TSGA10: variants seen among roughly 807,000 people sequenced by gnomAD.
TSGA10 encodes the protein testis specific 10.
Under a neutral mutation model 96.6 loss-of-function variants are expected in TSGA10, and 43 were observed. The observed-to-expected ratio is 0.44, with a 90% CI of 0.35 to 0.57. TSGA10 has a LOEUF of 0.57. Ranked by LOEUF, TSGA10 falls within the 20% of genes least tolerant of loss-of-function variation. The pLI is 0.01. For synonymous variants in TSGA10, 229 were observed against 269.9 expected, an observed-to-expected ratio of 0.85 and a Z score of 1.48; for missense variants, 703 against 834.4, an observed-to-expected ratio of 0.84 and a Z score of 1.94.
chr2:98,999,670 AAAGT>A (rs1479503544), intron 20 of TSGA10, among the ~76,000 whole-genome samples: 1 of 152,244 alleles, frequency 6.6e-6, no homozygotes, highest in East Asian at 1.9e-4. Flanking sequence ...CATAGTACAG[AAAGT>A]AATTATAACT....
intron 10 of TSGA10, among the ~76,000 whole-genome samples, chr2:99,095,519 C>CAAAAAAGTATATACTTTATACTT (rs1402068121): frequency 2.0e-5 from 3 of 151,618 alleles, no homozygotes; most frequent in Admixed American, 1.3e-4. Flanking sequence ...AAGCCAGATA[C>CAAAAAAGTATATACTTTATACTT]AAAAAAGTAT....
chr2:99,141,256 A>G, intron 1 of TSGA10: 1 of 879,156 alleles, frequency 1.1e-6, no homozygotes, highest in African/African-American at 1.8e-5. Flanking sequence ...GCCCCGGCGG[A>G]TCGGAGGAAG....
intron 16 of TSGA10, among the ~76,000 whole-genome samples, chr2:99,039,957 T>C (rs1216214663): frequency 6.6e-6 from 1 of 152,208 alleles, no homozygotes; most frequent in African/African-American, 2.4e-5. Flanking sequence ...GATGCAGGGA[T>C]GGTTTAACGT....
At chr2:99,140,605 A>G (rs947271186) in intron 1 of TSGA10, among the ~76,000 whole-genome samples, 43 of 152,292 alleles carry the variant, frequency 2.8e-4, no homozygotes, top group African/African-American at 1.0e-3. Context: ...CCCTGCCTTT[A>G]CTGTGTATAA....
At chr2:99,147,557 T>C (rs1453931490) in intron 1 of TSGA10, 1 of 1,419,010 alleles carries the variant, frequency 7.0e-7, no homozygotes, top group Non-Finnish European at 9.9e-7. Context: ...TTTTATTAGA[T>C]TGAAGTTTAA....
intron 11 of TSGA10, among the ~76,000 whole-genome samples, chr2:99,079,502 A>C (rs77544517): frequency 0.012 from 1,854 of 152,300 alleles, 41 homozygotes; most frequent in African/African-American, 0.042. Flanking sequence ...GACCTACTGA[A>C]TCAGAAATTC....
At chr2:99,146,500 T>G (rs2093633576) in intron 1 of TSGA10, among the ~76,000 whole-genome samples, 2 of 152,244 alleles carry the variant, frequency 1.3e-5, no homozygotes, top group South Asian at 4.1e-4. Flanking sequence ...CTCACTGTTT[T>G]CCTCCCTTAT....
chr2:99,148,668 A>C (rs193000118), intron 1 of TSGA10, among the ~76,000 whole-genome samples: 23 of 152,310 alleles, frequency 1.5e-4, no homozygotes, highest in Admixed American at 1.5e-3. Context: ...TAAAGACATA[A>C]TACATTCTAA....
intron 2 of TSGA10, chr2:99,125,139 G>A (rs1164086868): frequency 1.3e-5 from 2 of 151,912 alleles, no homozygotes; most frequent in African/African-American, 2.4e-5. Flanking sequence ...CATACATTTC[G>A]TAGCCTTTTC....
chr2:98,998,619 G>A (rs902010894), intron 20 of TSGA10, among the ~76,000 whole-genome samples: 2 of 152,148 alleles, frequency 1.3e-5, no homozygotes, highest in Non-Finnish European at 2.9e-5. Flanking sequence ...TAATGAGGGA[G>A]TGAATTCTTT....
At chr2:99,060,870 T>A (rs945337147) in intron 16 of TSGA10, among the ~76,000 whole-genome samples, 3 of 152,286 alleles carry the variant, frequency 2.0e-5, no homozygotes, top group East Asian at 3.9e-4. Flanking sequence ...CCTTCATATC[T>A]GTATGAGAAA....
At chr2:99,121,882 A>G (rs928684874) in intron 2 of TSGA10, among the ~76,000 whole-genome samples, 2 of 152,184 alleles carry the variant, frequency 1.3e-5, no homozygotes, top group Non-Finnish European at 1.5e-5. Flanking sequence ...ATTTTCTCCT[A>G]TGTTACCTCC....
intron 12 of TSGA10, among the ~76,000 whole-genome samples, chr2:99,077,749 G>A (rs920120786): frequency 2.0e-5 from 3 of 151,894 alleles, no homozygotes; most frequent in Admixed American, 6.5e-5. Flanking sequence ...TTTTAATAGA[G>A]ACGGGGGTTT....
At chr2:99,112,348 T>C (rs1288165321) in intron 4 of TSGA10, among the ~76,000 whole-genome samples, 1 of 152,222 alleles carries the variant, frequency 6.6e-6, no homozygotes, top group East Asian at 1.9e-4. Flanking sequence ...GCGCTCACGT[T>C]CTAAGCACTT....
chr2:99,139,577 CAGA>C (rs1295827835), intron 1 of TSGA10, among the ~76,000 whole-genome samples: 1 of 151,952 alleles, frequency 6.6e-6, no homozygotes, highest in Non-Finnish European at 1.5e-5. Flanking sequence ...GCCTCACTAA[CAGA>C]AGGATGTGGA....
At chr2:99,144,649 C>CAAAAAA (rs70940140) in intron 1 of TSGA10, among the ~76,000 whole-genome samples, 1,271 of 52,182 alleles carry the variant, frequency 0.024, 74 homozygotes, top group African/African-American at 0.078. Flanking sequence ...AACTCTGTCT[C>CAAAAAA]AAAAAAAAAA....
Position 99,099,817 on chromosome 2 carries a change from A to C in TSGA10, c.611+4150T>G, listed in dbSNP as rs543274753. 2.0e-4 allele frequency among the ~76,000 whole-genome samples: 31 copies of C among 152,196 alleles called. 1 individual carries two copies. Among genetic ancestry groups the C allele is most frequent in the Non-Finnish European group, 3.5e-4 (24 of 68,010 alleles). ...TGATTTTATGTACACAAATAAAAAAACTTCTGTAGGTGGGTTATTAAAATT... is the reference window on the plus strand; with the variant it reads ...TGATTTTATGTACACAAATAAAAAACCTTCTGTAGGTGGGTTATTAAAATT... On this transcript the variant is annotated intron_variant, in intron 10 of 20. Transcript: ENST00000393483.
intron 17 of TSGA10, among the ~76,000 whole-genome samples, chr2:99,029,950 T>C (rs139915943): frequency 0.011 from 1,634 of 152,346 alleles, 9 homozygotes; most frequent in Middle Eastern, 0.027. Context: ...TTTTCAGATA[T>C]AGTGGTTGTT....
chr2:99,040,329 T>C (rs1481345602), intron 16 of TSGA10, among the ~76,000 whole-genome samples: 2 of 152,232 alleles, frequency 1.3e-5, no homozygotes, highest in East Asian at 3.9e-4. Flanking sequence ...AAGTCAATTG[T>C]CACTGTTCGC....
Sources: allele counts gnomAD v4.1 joint callset (sites outside exome capture counted in the v4.1 genomes callset), GRCh38; gene constraint gnomAD v4.1.1; transcripts MANE v1.5; gene names NCBI Gene and HGNC (gene_info 2026-07-23, HGNC 2026-07-21).